NLGN1: variants seen among roughly 807,000 people sequenced by gnomAD.
NLGN1 encodes the protein neuroligin 1.
A neutral mutation model predicts 65.5 loss-of-function variants in NLGN1; 12 were observed. The ratio of observed to expected loss-of-function variants is 0.18; its 90% CI spans 0.12 to 0.30. NLGN1 has a LOEUF of 0.30. Among genes scored for constraint, NLGN1 ranks in the 10% least tolerant of loss-of-function variants. The probability of loss-of-function intolerance (pLI) is 1.00; values close to 1 mark genes in which losing one functional copy is unlikely to be tolerated. For synonymous variants in NLGN1, 350 were observed against 359.5 expected (o/e 0.97, Z 0.30); for missense variants, 750 against 1,007.1 (o/e 0.74, Z 3.46).
intron 4 of NLGN1, among the ~76,000 whole-genome samples, chr3:174,038,152 G>A (rs138404342): frequency 5.4e-4 from 82 of 152,252 alleles, no homozygotes; most frequent in Middle Eastern, 6.8e-3. Flanking sequence ...AATCCAGGCA[G>A]TATAATTCTT....
chr3:173,582,131 TTTG>T (rs1163139676), intron 2 of NLGN1, among the ~76,000 whole-genome samples: 5 of 152,096 alleles, frequency 3.3e-5, no homozygotes, highest in Admixed American at 6.5e-5. Context: ...CGCAACATCC[TTTG>T]TTGTTGTTGC....
rs398063034 is a variant in NLGN1 at position 173,422,146 on chromosome 3, T to TATACACACACAC, written c.-389-12863_-389-12862insTACACACACACA. On this transcript the variant is annotated intron_variant, in intron 1 of 6. Transcript: ENST00000457714. The stretch of plus-strand genomic sequence containing the variant: ...TGTACTATATATAGTACACTATATA[T>TATACACACACAC]ACACACACACACACACATACACACA... Among the ~76,000 whole-genome samples the TATACACACACAC allele has an allele frequency of 6.7e-3, 874 of 130,308 alleles. 13 individuals are homozygous for TATACACACACAC. The highest frequency in any genetic ancestry group is 0.023 in the African/African-American group (831 of 35,702). The allele number at this position is 130,308 out of a possible 152,430, so 85.5% of individuals were successfully genotyped here. A position where few individuals can be genotyped will look rare whatever the true frequency, so the allele number is the denominator to read the frequency against.
chr3:174,209,096 A>AT (rs1281486269), intron 4 of NLGN1, among the ~76,000 whole-genome samples: 2 of 151,414 alleles, frequency 1.3e-5, no homozygotes, highest in Non-Finnish European at 2.9e-5. Context: ...TAATTTTTGT[A>AT]TTTTTTTAAT....
chr3:173,821,987 C>A (rs1185797096), intron 4 of NLGN1, among the ~76,000 whole-genome samples: 1 of 151,896 alleles, frequency 6.6e-6, no homozygotes, highest in South Asian at 2.1e-4. Flanking sequence ...AAATATTTTC[C>A]AAGTTGATGA....
At chr3:173,847,416 C>A (rs1245274306) in intron 4 of NLGN1, among the ~76,000 whole-genome samples, 4 of 151,946 alleles carry the variant, frequency 2.6e-5, no homozygotes, top group Non-Finnish European at 4.4e-5. Flanking sequence ...CAAAGGGAAA[C>A]CAGACATTTT....
In NLGN1 at chr3:173,724,571, G is replaced by A. The variant is rs142276722; in HGVS notation, c.494-83109G>A. ...GATTCAGGCATGAGCCACCATGCCCGGCTACTATTTGCACTTAAAATAACT... is the reference window on the plus strand; with the variant it reads ...GATTCAGGCATGAGCCACCATGCCCAGCTACTATTTGCACTTAAAATAACT... On this transcript the variant is annotated intron_variant, in intron 3 of 6. Coordinates refer to ENST00000457714, the Ensembl canonical transcript of NLGN1. The A allele has an allele frequency of 9.8e-3, 1,508 of 153,542 alleles. 15 individuals carry two copies. The highest frequency in any genetic ancestry group is 0.015 in the Non-Finnish European group (1,053 of 68,480). 9.5% of individuals were successfully genotyped at this position (153,542 alleles called of 1,614,324 possible).
chr3:173,872,855 C>A (rs1419221283), intron 4 of NLGN1, among the ~76,000 whole-genome samples: 1 of 152,064 alleles, frequency 6.6e-6, no homozygotes, highest in African/African-American at 2.4e-5. Flanking sequence ...TCTGGAACCT[C>A]TCCCCACCCC....
intron 2 of NLGN1, among the ~76,000 whole-genome samples, chr3:173,442,086 A>G (rs1719306814): frequency 6.6e-6 from 1 of 152,180 alleles, no homozygotes; most frequent in Non-Finnish European, 1.5e-5. Flanking sequence ...ATAAACAGCA[A>G]TTAAATTTGG....
intron 2 of NLGN1, among the ~76,000 whole-genome samples, chr3:173,522,597 A>AC (rs1734947871): frequency 6.6e-6 from 1 of 151,054 alleles, no homozygotes; most frequent in South Asian, 2.1e-4. Flanking sequence ...CGCCCAGCTA[A>AC]TTTTTTTTTG....
At chr3:173,660,153 C>G (rs1399604862) in intron 3 of NLGN1, among the ~76,000 whole-genome samples, 1 of 151,824 alleles carries the variant, frequency 6.6e-6, no homozygotes, top group East Asian at 1.9e-4. Flanking sequence ...TCCACTGTGT[C>G]AGCCCCAAGC....
chr3:173,491,931 T>C (rs1368631840), intron 2 of NLGN1, among the ~76,000 whole-genome samples: 10 of 151,802 alleles, frequency 6.6e-5, no homozygotes, highest in Non-Finnish European at 4.4e-5. Context: ...AAATTCCATT[T>C]ATTCTACTAC....
intron 1 of NLGN1, among the ~76,000 whole-genome samples, chr3:173,421,793 T>A (rs1390765381): frequency 6.6e-6 from 1 of 152,112 alleles, no homozygotes; most frequent in Admixed American, 6.5e-5. Flanking sequence ...AGTGCTAGGA[T>A]TATAGACATG....
At chr3:173,435,036 T>C (rs1184789718) in exon 2 of NLGN1, 1 of 152,614 alleles carries the variant, frequency 6.6e-6, no homozygotes, top group Non-Finnish European at 1.5e-5. Context: ...GCCACTCAAG[T>C]TCCAAATTTG....
At chr3:174,167,733 T>C (rs530404536) in intron 4 of NLGN1, among the ~76,000 whole-genome samples, 3 of 152,016 alleles carry the variant, frequency 2.0e-5, no homozygotes, top group African/African-American at 7.2e-5. Context: ...ATTTCTTCTA[T>C]CTGAATGTCT....
intron 4 of NLGN1, among the ~76,000 whole-genome samples, chr3:173,869,809 C>G (rs1730842811): frequency 1.3e-5 from 2 of 152,142 alleles, no homozygotes; most frequent in African/African-American, 4.8e-5. Flanking sequence ...GGCTTTAATT[C>G]ATTGTCTCTT....
chr3:173,437,763 C>G (rs1219844487), intron 2 of NLGN1, among the ~76,000 whole-genome samples: 1 of 152,036 alleles, frequency 6.6e-6, no homozygotes, highest in Non-Finnish European at 1.5e-5. Context: ...GCTGCCATTA[C>G]TTTCACCACC....
chr3:173,592,057 T>G (rs1169850489), intron 2 of NLGN1, among the ~76,000 whole-genome samples: 1 of 152,202 alleles, frequency 6.6e-6, no homozygotes, highest in African/African-American at 2.4e-5. Context: ...ACATATACAT[T>G]AAAACTGTTG....
intron 4 of NLGN1, among the ~76,000 whole-genome samples, chr3:173,871,519 C>T (rs1188278359): frequency 6.6e-6 from 1 of 152,138 alleles, no homozygotes. Flanking sequence ...AAGAGCATCT[C>T]AGTAAATGTT....
intron 4 of NLGN1, among the ~76,000 whole-genome samples, chr3:173,812,790 T>A (rs1718235032): frequency 1.4e-5 from 2 of 146,796 alleles, no homozygotes. Context: ...TATATATATA[T>A]GTATTTTTAT....
Sources: allele counts gnomAD v4.1 joint callset (sites outside exome capture counted in the v4.1 genomes callset), GRCh38; gene constraint gnomAD v4.1.1; transcripts MANE v1.5; gene names NCBI Gene and HGNC (gene_info 2026-07-23, HGNC 2026-07-21).